The following CDK12 variants were observed in gnomAD, a reference collection of about 807,000 sequenced individuals.
CDK12 encodes the protein cyclin-dependent kinase 12.
In CDK12, 17 loss-of-function variants were observed where a neutral mutation model predicts 133.8. That is an observed-to-expected ratio of 0.13 (90% CI 0.09 to 0.19). The LOEUF is 0.19. Ranked by LOEUF, CDK12 falls within the 10% of genes least tolerant of loss-of-function variation. The probability of loss-of-function intolerance (pLI) is 1.00; values close to 1 mark genes in which losing one functional copy is unlikely to be tolerated. For missense variants in CDK12, 1,508 were observed against 1,818.7 expected (o/e 0.83, Z 3.11); for synonymous variants, 694 against 683.6 (o/e 1.02, Z -0.24).
chr17:39,497,050 C>A (rs1231458124), intron 5 of CDK12, among the ~76,000 whole-genome samples: 3 of 151,252 alleles, frequency 2.0e-5, no homozygotes. Flanking sequence ...CCTGCCTCAG[C>A]CTTTGGAGTA....
In CDK12 at chr17:39,476,711, C is replaced by CTTTTTTT. The variant is rs879840168; in HGVS notation, c.1931+4971_1931+4977dup. On this transcript the variant is annotated intron_variant, in intron 2 of 13. Transcript: ENST00000447079. ...TACAGGCATGAGCCACCATGCCTGCCTTTTTTTTTTTTTTTTTTTTTTTTT... is the reference window on the plus strand; with the variant it reads ...TACAGGCATGAGCCACCATGCCTGCCTTTTTTTTTTTTTTTTTTTTTTTTTTTTTTTT... Among the ~76,000 whole-genome samples, 27 of 84,518 alleles carry CTTTTTTT rather than the reference C, an allele frequency of 3.2e-4. 3 individuals are homozygous for CTTTTTTT. The highest frequency in any genetic ancestry group is 1.3e-3 in the African/African-American group (23 of 17,562). The allele number at this position is 84,518 out of a possible 152,430, so 55.4% of individuals were successfully genotyped here.
chr17:39,535,840 A>C (rs1598207220), downstream of CDK12, among the ~76,000 whole-genome samples: 2 of 152,220 alleles, frequency 1.3e-5, no homozygotes, highest in East Asian at 3.9e-4. Flanking sequence ...TTAACTATGG[A>C]GTGACTTTTC....
chr17:39,494,445 A>G, intron 4 of CDK12, 79 bp from the exon 5 acceptor site: 1 of 1,198,966 alleles, frequency 8.3e-7, no homozygotes, highest in Non-Finnish European at 1.2e-6. Context: ...TGTCTTCCAG[A>G]GCAAGGGCAT....
At chr17:39,539,128 A>T (rs533714189), downstream of CDK12, among the ~76,000 whole-genome samples, 10 of 152,320 alleles carry the variant, frequency 6.6e-5, no homozygotes, top group African/African-American at 2.4e-4. Flanking sequence ...TAACTTCTCC[A>T]TTCCTAGAGA....
intron 5 of CDK12, among the ~76,000 whole-genome samples, chr17:39,498,498 C>A (rs2052318973): frequency 1.3e-5 from 2 of 152,328 alleles, no homozygotes; most frequent in South Asian, 4.1e-4. Context: ...GCTGGGATTA[C>A]AGGCGTGAGC....
rs1185981210 is a variant in CDK12 at position 39,552,757 on chromosome 17, C to T, written n.356+1615C>T. ...TTTGTTTGTTTTTGAGATGGAGTCT[C>T]ACTCTATCGCCCAGGCTGGAGAGTG... On this transcript the variant is annotated intron_variant and non_coding_transcript_variant, in intron 2 of 3. Transcript: ENST00000558240. Among the ~76,000 whole-genome samples the T allele has an allele frequency of 4.6e-5, 7 of 152,304 alleles. No homozygotes were observed. The East Asian group carries it at 9.7e-4, about 21-fold the overall frequency.
chr17:39,492,158 G>A (rs535778220), intron 3 of CDK12, among the ~76,000 whole-genome samples: 1 of 148,636 alleles, frequency 6.7e-6, no homozygotes, highest in African/African-American at 2.5e-5. Context: ...GTGCAATGGC[G>A]TGACCTTGGC....
At chr17:39,491,158 A>G (rs1415345804) in intron 3 of CDK12, among the ~76,000 whole-genome samples, 1 of 152,156 alleles carries the variant, frequency 6.6e-6, no homozygotes, top group Non-Finnish European at 1.5e-5. Flanking sequence ...ATATGGGTCT[A>G]ATCTTCTGAT....
In CDK12 at chr17:39,533,967, C is replaced by T. The variant is rs1469620722; in HGVS notation, c.*2651C>T. The T allele has an allele frequency of 1.3e-5, 3 of 231,698 alleles. No homozygotes were observed. Among genetic ancestry groups the T allele is most frequent in the Non-Finnish European group, 2.6e-5 (3 of 117,220 alleles). The allele number at this position is 231,698 out of a possible 1,614,324, so 14.4% of individuals were successfully genotyped here. ...ATTAATTCCATTCAAAAGTGGTTTT[C>T]GTTTTGTTTTAATTATTGTACAATG... On this transcript the variant is annotated 3_prime_UTR_variant, in exon 14 of 14. Coordinates refer to ENST00000447079, the MANE Select transcript of CDK12 (RefSeq NM_016507.4).
intron 1 of CDK12, among the ~76,000 whole-genome samples, chr17:39,539,758 T>G (rs1192570676): frequency 6.6e-6 from 1 of 152,148 alleles, no homozygotes; most frequent in South Asian, 2.1e-4. Context: ...AGGAAAGAAA[T>G]AATCGGAGAA....
chr17:39,539,173 TA>T (rs1207790343), downstream of CDK12, among the ~76,000 whole-genome samples: 1 of 152,204 alleles, frequency 6.6e-6, no homozygotes, highest in East Asian at 1.9e-4. Flanking sequence ...TTAGGACTGA[TA>T]GGGACCAAGA....
intron 2 of CDK12, among the ~76,000 whole-genome samples, chr17:39,472,546 C>T (rs2145236163): frequency 6.6e-6 from 1 of 151,866 alleles, no homozygotes; most frequent in East Asian, 2.0e-4. Context: ...TGGTGGTGGG[C>T]CCCTGTAATC....
At chr17:39,468,527 G>A (rs1025446140) in intron 1 of CDK12, among the ~76,000 whole-genome samples, 2 of 152,000 alleles carry the variant, frequency 1.3e-5, no homozygotes, top group Admixed American at 6.6e-5. Context: ...CCAGGCTGGA[G>A]TGCATTGGCA....
At chr17:39,558,900 T>C (rs2056263914) in intron 3 of CDK12, among the ~76,000 whole-genome samples, 1 of 152,240 alleles carries the variant, frequency 6.6e-6, no homozygotes, top group South Asian at 2.1e-4. Flanking sequence ...CACCTTGGCC[T>C]CCCAAAGTGT....
chr17:39,511,429 A>G, intron 7 of CDK12, 100 bp from the exon 8 acceptor site: 1 of 735,732 alleles, frequency 1.4e-6, no homozygotes, highest in East Asian at 2.6e-5. Context: ...TTTCAGTCTC[A>G]TCTTCATTTG....
At chr17:39,508,902 G>A (rs1158154394) in intron 6 of CDK12, among the ~76,000 whole-genome samples, 7 of 151,056 alleles carry the variant, frequency 4.6e-5, no homozygotes, top group Admixed American at 3.3e-4. Context: ...GGCTGAGGCT[G>A]GAGAATCACT....
chr17:39,462,613 A>G lies in CDK12; in HGVS notation c.542A>G (p.Lys181Arg), dbSNP rs2049033478. The G allele has an allele frequency of 6.2e-7, 1 of 1,614,176 alleles. No homozygotes were observed. The highest frequency in any genetic ancestry group is 1.7e-5 in the Admixed American group (1 of 60,008). Reference sequence around the variant, plus strand: ...GAATCCAGGTCATCCAAGCTCCACAAGGAGAAGACCAGGAAAGAACGGGAG... The same window carrying G: ...GAATCCAGGTCATCCAAGCTCCACAGGGAGAAGACCAGGAAAGAACGGGAG... ...SKESRSSKLH[K>R]EKTRKERELK... The change falls in exon 1 of 14, where the codon AAG becomes AGG. Residue 181 changes from lysine (K) to arginine (R), a missense_variant. Lys to Arg is a conservative substitution (Grantham distance 26, BLOSUM62 2). Transcript: ENST00000447079.
chr17:39,479,753 A>C (rs568064260), intron 2 of CDK12, among the ~76,000 whole-genome samples: 2 of 151,748 alleles, frequency 1.3e-5, no homozygotes, highest in South Asian at 4.2e-4. Flanking sequence ...CAGCCTCCCA[A>C]GTAGCTGAGA....
rs2146510800 is a variant in CDK12 at position 39,517,501 on chromosome 17, A to G, written c.2908A>G (p.Asn970Asp). 2 of 1,613,754 alleles carry G rather than the reference A, an allele frequency of 1.2e-6. No individual in the cohort carries two copies. ...TGATGTTATCAAACTGCCCTACTTC[A>G]ACACCATGAAACCGAAGAAGCAATA... ...WPDVIKLPYFNTMKPKKQYRR... is the reference protein window; with the variant it reads ...WPDVIKLPYFDTMKPKKQYRR... The change falls in exon 10 of 14, where the codon AAC (asparagine) becomes GAC (aspartate). Residue 970 changes from asparagine (N) to aspartate (D), a missense_variant. Around this residue, in one of 9 missense-constraint regions of CDK12, gnomAD observed 82 missense variants for 201.5 expected, o/e 0.41. Coordinates refer to ENST00000447079, the MANE Select transcript of CDK12 (RefSeq NM_016507.4).
Sources: gnomAD v4.1 joint callset for allele counts (sites outside exome capture counted in the v4.1 genomes callset) on GRCh38, gnomAD v4.1.1 for gene constraint, gnomAD v4.1.1 regional missense constraint, MANE v1.5 for transcripts, NCBI Gene and HGNC (gene_info 2026-07-23, HGNC 2026-07-21) for gene names.